The following TTN variants were observed in gnomAD, a reference collection of about 807,000 sequenced individuals.
TTN encodes the protein titin.
In TTN, 1,525 loss-of-function variants were observed where a neutral mutation model predicts 3,223.0. The observed-to-expected ratio is 0.47, with a 90% CI of 0.45 to 0.49. TTN has a LOEUF of 0.49. Among genes scored for constraint, TTN ranks in the 20% least tolerant of loss-of-function variants. The probability of loss-of-function intolerance (pLI) is 0.00; values close to 1 mark genes in which losing one functional copy is unlikely to be tolerated. For synonymous variants in TTN, 14,094 were observed against 15,161.0 expected, an observed-to-expected ratio of 0.93 and a Z score of 5.17; for missense variants, 40,786 against 43,424.0, an observed-to-expected ratio of 0.94 and a Z score of 5.40.
chr2:178,650,710 T>A (rs2742355), intron 209 of TTN, 41 bp downstream of exon 209: 17 of 1,509,100 alleles, frequency 1.1e-5, no homozygotes, highest in Admixed American at 6.3e-5. Flanking sequence ...TTAGAAATAG[T>A]CGCAAGTGGC....
chr2:178,552,305 C>T lies in TTN; in HGVS notation c.90595G>A (p.Gly30199Arg). 1.2e-6 allele frequency: 2 copies of T among 1,612,430 alleles called. No homozygotes were observed. The highest frequency in any genetic ancestry group is 2.2e-5 in the South Asian group (2 of 90,648). Residue 30199 changes from glycine (G) to arginine (R), a missense_variant, in exon 335 of 363, where the codon GGA (glycine) becomes AGA (arginine). Gly to Arg is a moderately radical substitution (Grantham distance 125, BLOSUM62 -2). Coordinates refer to ENST00000589042, the MANE Select transcript of TTN (RefSeq NM_001267550.2). ...TCAAGAATAACAGTGTATTTTCCTC[C>T]ATGCTCCTTCTTGGCATTCTTAATA... ...LSIKNAKKEH[G>R]GKYTVILDNA...
chr2:178,568,201 T>C lies in TTN; in HGVS notation c.77931A>G (p.Leu25977=). 1.2e-6 allele frequency: 2 copies of C among 1,613,542 alleles called. No individual in the cohort carries two copies. Among genetic ancestry groups the C allele is most frequent in the East Asian group, 2.2e-5 (1 of 44,836 alleles). The part of the protein sequence containing the change: ...AENRYGQSFA[L]ESDPIVAQYP... ...ATTGAGCTACAATTGGATCAGACTC[T>C]AAGGCAAAGCTTTGTCCATATCTGT... Residue 25977 remains leucine (L), a synonymous_variant, in exon 326 of 363, where the codon TTA becomes TTG. Coordinates refer to ENST00000589042, the MANE Select transcript of TTN (RefSeq NM_001267550.2).
In TTN at chr2:178,617,830, C is replaced by T; in HGVS notation, c.47521G>A (p.Val15841Ile). 6.2e-7 allele frequency: 1 copy of T among 1,612,494 alleles called. No individual in the cohort carries two copies. Among genetic ancestry groups the T allele is most frequent in the Non-Finnish European group, 8.5e-7 (1 of 1,179,020 alleles). ...GGTGTGGCTGCACTTGGTTTTCCAA[C>T]TCCAATTCGATTTTGGGCTCTCACT... ...FRVRAQNRIG[V>I]GKPSAATPFV... The change falls in exon 253 of 363, where the codon GTT becomes ATT. Residue 15841 changes from valine (V) to isoleucine (I), a missense_variant. Coordinates refer to ENST00000589042, the MANE Select transcript of TTN (RefSeq NM_001267550.2).
chr2:178,730,853 T>TG, intron 60 of TTN, 61 bp from the exon 61 acceptor site: 1 of 1,530,912 alleles, frequency 6.5e-7, no homozygotes, highest in South Asian at 1.3e-5. Flanking sequence ...TGTTTTTGTT[T>TG]TTTTTTTTAA....
intron 218 of TTN, among the ~76,000 whole-genome samples, chr2:178,643,103 GGT>G (rs1406772192): frequency 6.6e-6 from 1 of 151,666 alleles, no homozygotes; most frequent in Non-Finnish European, 1.5e-5. Context: ...AGGAACACGT[GGT>G]GATTATTAAA....
Position 178,739,197 on chromosome 2 carries a change from G to C in TTN, c.14036C>G (p.Ala4679Gly), listed in dbSNP as rs2082047521. ...EDHQGEYVCE[A>G]LNDSGKTATS... ...TGCTGTTTTTCCGCTGTCATTCAAG[G>C]CCTCACAGACATACTCTCCTTGATG... Residue 4679 changes from alanine to glycine, a missense_variant, in exon 48 of 363, where the codon GCC becomes GGC. Physicochemically the swap from Ala to Gly is moderately conservative, Grantham distance 60 (BLOSUM62 0). Coordinates refer to ENST00000589042, the MANE Select transcript of TTN (RefSeq NM_001267550.2). 1 of 1,534,776 alleles carries C rather than the reference G, an allele frequency of 6.5e-7. No homozygotes were observed. The highest frequency in any genetic ancestry group is 1.4e-5 in the African/African-American group (1 of 72,590).
rs755536501 is a variant in TTN at position 178,609,339 on chromosome 2, A to G, written c.51971T>C (p.Ile17324Thr). ...FVLPLTQRLS[I>T]DNSKKGESQL... The stretch of plus-strand genomic sequence containing the variant: ...AGATTCTCCCTTTTTGCTGTTGTCA[A>G]TACTCAAACGCTGTGTCAGAGGCAG... Residue 17324 changes from isoleucine to threonine, a missense_variant, in exon 273 of 363, where the codon ATT (isoleucine) becomes ACT (threonine). By Grantham distance (89) the Ile-to-Thr change is moderately conservative (BLOSUM62 -1). Coordinates refer to ENST00000589042, the MANE Select transcript of TTN (RefSeq NM_001267550.2). 10 of 1,611,384 alleles carry G rather than the reference A, an allele frequency of 6.2e-6. No individual in the cohort carries two copies. The highest frequency in any genetic ancestry group is 4.0e-5 in the African/African-American group (3 of 74,726).
chr2:178,551,639 A>C lies in TTN; in HGVS notation c.91261T>G (p.Ser30421Ala). Residue 30421 changes from serine to alanine, a missense_variant, in exon 335 of 363, where the codon TCT becomes GCT. Transcript: ENST00000589042. Reference protein sequence around the residue: ...SDPSKFTLAVSPVDPPGTPDY... With the variant: ...SDPSKFTLAVAPVDPPGTPDY... ...AATAATAATCACTTACCTACTGGAG[A>C]AACAGCTAAGGTAAATTTGCTTGGG... The C allele has an allele frequency of 6.3e-7, 1 of 1,578,154 alleles. No homozygotes were observed.
Position 178,698,928 on chromosome 2 carries a change from AAAAG to A in TTN, c.30683-18_30683-15del, listed in dbSNP as rs2154286705. 1.3e-6 allele frequency: 2 copies of A among 1,493,110 alleles called. No individual in the cohort carries two copies. The highest frequency in any genetic ancestry group is 1.4e-5 in the African/African-American group (1 of 70,150). 92.5% of individuals were successfully genotyped at this position (1,493,110 alleles called of 1,614,324 possible). On this transcript the variant is annotated splice_polypyrimidine_tract_variant and intron_variant, in intron 111 of 362. Coordinates refer to ENST00000589042, the MANE Select transcript of TTN (RefSeq NM_001267550.2). ...CCTTTTTGGTAACTAAAAAAAAAAA[AAAAG>A]AAAAAAAAAGAAAAAATATTTCTGG...
Position 178,617,459 on chromosome 2 carries a change from C to A in TTN, c.47626G>T (p.Val15876Phe). ...AGAGGAGGTTCCCATTTGAGCTGAACTGATGACTGAGTCTGATCTGAGGAA... is the reference window on the plus strand; with the variant it reads ...AGAGGAGGTTCCCATTTGAGCTGAAATGATGACTGAGTCTGATCTGAGGAA... ...LTSSDQTQSS[V>F]QLKWEPPLKD... The change falls in exon 254 of 363, where the codon GTT (valine) becomes TTT (phenylalanine). Residue 15876 changes from valine (V) to phenylalanine (F), a missense_variant. Coordinates refer to ENST00000589042, the MANE Select transcript of TTN (RefSeq NM_001267550.2). 1 of 1,599,072 alleles carries A rather than the reference C, an allele frequency of 6.3e-7. No homozygotes were observed. Among genetic ancestry groups the A allele is most frequent in the Non-Finnish European group, 8.5e-7 (1 of 1,175,438 alleles).
At chr2:178,613,133 A>G in intron 264 of TTN, 28 bp downstream of exon 264, 1 of 1,607,966 alleles carries the variant, frequency 6.2e-7, no homozygotes, top group South Asian at 1.1e-5. Flanking sequence ...GAACTTCGAA[A>G]TAACCACAAA....
chr2:178,686,823 TA>T (rs1179393014), intron 127 of TTN, among the ~76,000 whole-genome samples: 8 of 152,356 alleles, frequency 5.3e-5, no homozygotes, highest in African/African-American at 1.9e-4. Flanking sequence ...AACATAAAAA[TA>T]ATCACAGTGT....
chr2:178,604,185 C>T lies in TTN; in HGVS notation c.54502G>A (p.Gly18168Arg), dbSNP rs2054202979. 1 of 1,611,942 alleles carries T rather than the reference C, an allele frequency of 6.2e-7. No homozygotes were observed. Among genetic ancestry groups the T allele is most frequent in the Non-Finnish European group, 8.5e-7 (1 of 1,178,906 alleles). Residue 18168 changes from glycine (G) to arginine (R), a missense_variant, in exon 282 of 363, where the codon GGA becomes AGA. Transcript: ENST00000589042. ...VVIQDPYRLP[G>R]PPGKPKVLAR... Reference sequence around the variant, plus strand: ...AAAACTTTTGGTTTTCCTGGAGGTCCAGGAAGGCGATAAGGATCTTGAATG... The same window carrying T: ...AAAACTTTTGGTTTTCCTGGAGGTCTAGGAAGGCGATAAGGATCTTGAATG...
rs778596216 is a variant in TTN, at chr2:178,717,820, AG to A, written c.25064-11del. On this transcript the variant is annotated splice_polypyrimidine_tract_variant and intron_variant, in intron 86 of 362. Coordinates refer to ENST00000589042, the MANE Select transcript of TTN (RefSeq NM_001267550.2). ...GGTGGAAGTTTGCGCGCTGTAAAGA[AG>A]TTACAGATAATCCTTATTTACAGGT... 1.2e-4 allele frequency: 186 copies of A among 1,592,430 alleles called. 3 individuals are homozygous for A. In the South Asian group the frequency reaches 2.0e-3, roughly 17 times the overall value.
intron 15 of TTN, 128 bp from the exon 16 acceptor site, chr2:178,784,479 AC>A: frequency 8.8e-7 from 1 of 1,134,740 alleles, no homozygotes; most frequent in African/African-American, 1.6e-5. Context: ...ACTCATTATC[AC>A]ACAGTTAATG....
chr2:178,749,289 T>A, intron 47 of TTN: 1 of 1,611,656 alleles, frequency 6.2e-7, no homozygotes, highest in Admixed American at 1.7e-5. Context: ...TGGTGCAGCT[T>A]TGATTTTTCA....
At position 178,723,051 on chromosome 2, in the gene TTN, G is replaced by T. The variant is rs876658043; in HGVS notation, c.21956C>A (p.Thr7319Lys). 8 of 1,613,308 alleles carry T rather than the reference G, an allele frequency of 5.0e-6. No homozygotes were observed. Among genetic ancestry groups the T allele is most frequent in the Non-Finnish European group, 6.8e-6 (8 of 1,179,532 alleles). The change falls in exon 75 of 363, where the codon ACA becomes AAA. Residue 7319 changes from threonine (T) to lysine (K), a missense_variant. By Grantham distance (78) the Thr-to-Lys change is moderately conservative (BLOSUM62 -1). Transcript: ENST00000589042. ...GRDVCGALVS[T>K]LEPPYFVTEL... ...GAGACAATAAGACAACACACCTAAT[G>T]TAGATACCAGAGCTCCACAAACATC...
At chr2:178,751,759 A>T (rs924238320) in intron 47 of TTN, 3 of 1,613,114 alleles carry the variant, frequency 1.9e-6, no homozygotes. Context: ...TCCGACGAAG[A>T]CCTGTTGGGA....
intron 37 of TTN, 32 bp downstream of exon 37, chr2:178,769,647 G>A (rs73973144): frequency 8.5e-6 from 8 of 940,784 alleles, no homozygotes; most frequent in African/African-American, 4.4e-5. Context: ...TTATATATAT[G>A]TGTATATATA....
Sources: allele counts gnomAD v4.1 joint callset (sites outside exome capture counted in the v4.1 genomes callset), GRCh38; gene constraint gnomAD v4.1.1; transcripts MANE v1.5; gene names NCBI Gene and HGNC (gene_info 2026-07-23, HGNC 2026-07-21).